Variants in SLCO3A1 observed in about 807,000 individuals in gnomAD.
SLCO3A1 encodes the protein PGE1 transporter.
SLCO3A1 carries 27 observed loss-of-function variants against 63.1 expected under a neutral mutation model. That is an observed-to-expected ratio of 0.43 (90% CI 0.32 to 0.59). The LOEUF is 0.59. Among genes scored for constraint, SLCO3A1 ranks in the 20% least tolerant of loss-of-function variants. The pLI is 0.09. For synonymous variants in SLCO3A1, 473 were observed against 409.9 expected (o/e 1.15, Z -1.86); for missense variants, 773 against 945.8 (o/e 0.82, Z 2.40).
intron 2 of SLCO3A1, among the ~76,000 whole-genome samples, chr15:92,050,075 A>G (rs966504362): frequency 1.3e-5 from 2 of 152,204 alleles, no homozygotes; most frequent in Non-Finnish European, 2.9e-5. Context: ...CGGGTGACCA[A>G]TAGTCAATGC....
intron 7 of SLCO3A1, among the ~76,000 whole-genome samples, chr15:92,145,227 G>C (rs780430268): frequency 6.6e-6 from 1 of 152,150 alleles, no homozygotes; most frequent in African/African-American, 2.4e-5. Context: ...AGCTGAGAGC[G>C]TGGGAGAAAA....
chr15:92,037,883 A>G (rs2046747868), intron 2 of SLCO3A1, among the ~76,000 whole-genome samples: 1 of 152,214 alleles, frequency 6.6e-6, no homozygotes, highest in Non-Finnish European at 1.5e-5. Context: ...CTTTAACACC[A>G]TCACCTGGGT....
At chr15:91,986,695 C>T (rs968075059) in intron 2 of SLCO3A1, among the ~76,000 whole-genome samples, 1 of 152,084 alleles carries the variant, frequency 6.6e-6, no homozygotes, top group South Asian at 2.1e-4. Context: ...CAGGGCAGCC[C>T]CAGAGGGGAT....
intron 2 of SLCO3A1, among the ~76,000 whole-genome samples, chr15:91,953,608 G>T (rs1900071415): frequency 1.3e-5 from 2 of 152,216 alleles, no homozygotes. Context: ...ACTGCGCGAA[G>T]CCTGGTATGA....
chr15:92,021,278 G>A (rs2046506205), intron 2 of SLCO3A1, among the ~76,000 whole-genome samples: 1 of 152,176 alleles, frequency 6.6e-6, no homozygotes, highest in African/African-American at 2.4e-5. Context: ...AGCCAACCGT[G>A]CAGTTAGCCT....
intron 7 of SLCO3A1, among the ~76,000 whole-genome samples, chr15:92,135,133 G>C (rs1013896169): frequency 1.3e-5 from 2 of 152,210 alleles, no homozygotes; most frequent in African/African-American, 4.8e-5. Flanking sequence ...TGGACCTCAT[G>C]ATGCAGGCAG....
chr15:92,034,174 A>G (rs2046693958), intron 2 of SLCO3A1, among the ~76,000 whole-genome samples: 1 of 151,388 alleles, frequency 6.6e-6, no homozygotes, highest in Non-Finnish European at 1.5e-5. Flanking sequence ...GATCCAGGAG[A>G]GGGATCCTGG....
rs763415947 is a variant in SLCO3A1 at position 92,162,858 on chromosome 15, A to G, written c.1856A>G (p.Asn619Ser). 1.2e-6 allele frequency: 2 copies of G among 1,614,062 alleles called. No homozygotes were observed. Among genetic ancestry groups the G allele is most frequent in the Admixed American group, 1.7e-5 (1 of 60,008 alleles). The change falls in exon 10 of 10, where the codon AAT becomes AGT. Residue 619 changes from asparagine to serine, a missense_variant. This residue lies in a region of SLCO3A1 where 139 missense variants were observed against 131.4 expected (regional missense o/e 1.06). Coordinates refer to ENST00000318445, the MANE Select transcript of SLCO3A1 (RefSeq NM_013272.4). ...CAAGGCGCCTGCGTCCTCTACGACA[A>G]TGTGGTCTACCGATACCTGTATGTC... is the stretch of plus-strand genomic sequence containing the variant. Reference protein sequence around the residue: ...GEQGACVLYDNVVYRYLYVSI... With the variant: ...GEQGACVLYDSVVYRYLYVSI...
At chr15:92,159,567 G>GT (rs11455940) in intron 9 of SLCO3A1, among the ~76,000 whole-genome samples, 87,845 of 137,788 alleles carry the variant, frequency 0.64, 28,492 homozygotes, top group Middle Eastern at 0.76. Context: ...ACTTTGGTAG[G>GT]TTTTTTTTTT....
intron 1 of SLCO3A1, among the ~76,000 whole-genome samples, chr15:91,880,115 GTCCGTCCGTCCGTCCGTCCA>G (rs1166276067): frequency 1.6e-4 from 19 of 115,870 alleles, no homozygotes; most frequent in South Asian, 8.1e-4. Flanking sequence ...CCGTCCGTCC[GTCCGTCCGTCCGTCCGTCCA>G]TCCATCCATC....
At chr15:92,008,988 A>G (rs927960230) in intron 2 of SLCO3A1, among the ~76,000 whole-genome samples, 1 of 152,212 alleles carries the variant, frequency 6.6e-6, no homozygotes, top group African/African-American at 2.4e-5. Flanking sequence ...CATATTGTAG[A>G]TGGAGTCATT....
intron 2 of SLCO3A1, among the ~76,000 whole-genome samples, chr15:92,069,468 AT>A (rs1339648172): frequency 4.6e-5 from 7 of 152,214 alleles, no homozygotes; most frequent in African/African-American, 1.7e-4. Context: ...GCAAGGACTT[AT>A]GTTGGTAGCA....
At chr15:91,858,135 C>T (rs1480909578) in intron 1 of SLCO3A1, among the ~76,000 whole-genome samples, 1 of 151,650 alleles carries the variant, frequency 6.6e-6, no homozygotes, top group Non-Finnish European at 1.5e-5. Flanking sequence ...TCTAAAGAAA[C>T]ATCATTTCGA....
At chr15:92,074,822 C>A (rs767847303) in intron 2 of SLCO3A1, among the ~76,000 whole-genome samples, 3 of 152,174 alleles carry the variant, frequency 2.0e-5, no homozygotes, top group Admixed American at 6.5e-5. Flanking sequence ...TGGTAGGCAG[C>A]CCCACATCCT....
chr15:92,105,919 TATAGAG>T (rs146645756), intron 4 of SLCO3A1, among the ~76,000 whole-genome samples: 1,847 of 152,336 alleles, frequency 0.012, 38 homozygotes, highest in African/African-American at 0.042. Flanking sequence ...GTGCGCCTTC[TATAGAG>T]ATGCTAGAGA....
At position 91,942,436 on chromosome 15, in the gene SLCO3A1, A is replaced by G. The variant is rs1206245333; in HGVS notation, c.646+25978A>G. ...CATTTAGCAGTGCTACTATGGCACA[A>G]CTGCAGGGGGCACCATGTAGAGACC... On this transcript the variant is annotated intron_variant, in intron 2 of 9. Transcript: ENST00000318445. The surrounding 1 kb of genome is among the most constrained non-coding windows in gnomAD (Gnocchi z 4.1). Among the ~76,000 whole-genome samples, 1 of 152,174 alleles carries G rather than the reference A, an allele frequency of 6.6e-6. No homozygotes were observed. Among genetic ancestry groups the G allele is most frequent in the African/African-American group, 2.4e-5 (1 of 41,434 alleles).
intron 4 of SLCO3A1, among the ~76,000 whole-genome samples, chr15:92,115,335 C>T (rs2047780950): frequency 6.6e-6 from 1 of 151,636 alleles, no homozygotes; most frequent in South Asian, 2.1e-4. Context: ...GGCTGCCCCA[C>T]TTCACCTTCT....
Position 91,854,787 on chromosome 15 carries a change from TG to T in SLCO3A1, c.180+700del, listed in dbSNP as rs1896871792. 6.6e-6 allele frequency among the ~76,000 whole-genome samples: 1 copy of T among 152,212 alleles called. No individual in the cohort carries two copies. The highest frequency in any genetic ancestry group is 1.5e-5 in the Non-Finnish European group (1 of 68,040). ...TAGTGCTAAATTCCCCATCGTGGTCTGTCGCCTACAGAAGGTTGCACCATTT... is the reference window on the plus strand; with the variant it reads ...TAGTGCTAAATTCCCCATCGTGGTCTTCGCCTACAGAAGGTTGCACCATTT... On this transcript the variant is annotated intron_variant, in intron 1 of 9. Transcript: ENST00000318445. The surrounding 1 kb of genome is among the most constrained non-coding windows in gnomAD (Gnocchi z 6.4).
chr15:91,937,869 T>C (rs2151395984), intron 2 of SLCO3A1, among the ~76,000 whole-genome samples: 1 of 152,320 alleles, frequency 6.6e-6, no homozygotes, highest in Non-Finnish European at 1.5e-5. Flanking sequence ...TTCCTAGTTA[T>C]GCAGTCTTGC....
Sources: gnomAD v4.1 joint callset for allele counts (sites outside exome capture counted in the v4.1 genomes callset) on GRCh38, gnomAD v4.1.1 for gene constraint, gnomAD v4.1.1 regional missense constraint, Gnocchi (gnomAD v3.1) non-coding constraint, MANE v1.5 for transcripts, NCBI Gene and HGNC (gene_info 2026-07-23, HGNC 2026-07-21) for gene names.